The following PPP6R3 variants were observed in gnomAD, a reference collection of about 807,000 sequenced individuals.
The protein encoded by PPP6R3 is protein phosphatase 6 regulatory subunit 3.
Under a neutral mutation model 110.7 loss-of-function variants are expected in PPP6R3, and 38 were observed. The observed-to-expected ratio is 0.34, with a 90% CI of 0.26 to 0.45. The LOEUF is 0.45. Ranked by LOEUF, PPP6R3 falls within the 20% of genes least tolerant of loss-of-function variation. The pLI is 1.00. For synonymous variants in PPP6R3, 369 were observed against 373.5 expected, an observed-to-expected ratio of 0.99 and a Z score of 0.14; for missense variants, 870 against 1,062.4, an observed-to-expected ratio of 0.82 and a Z score of 2.52.
At chr11:68,521,510 G>A (rs528318310) in intron 2 of PPP6R3, among the ~76,000 whole-genome samples, 5 of 151,974 alleles carry the variant, frequency 3.3e-5, no homozygotes, top group South Asian at 2.1e-4. Flanking sequence ...ATCTCTGCTC[G>A]TCAGCATGCT....
At chr11:68,515,782 G>T (rs1226800979) in intron 1 of PPP6R3, among the ~76,000 whole-genome samples, 1 of 152,198 alleles carries the variant, frequency 6.6e-6, no homozygotes, top group South Asian at 2.1e-4. Context: ...ATATAACCAT[G>T]CTGGGAGTTA....
chr11:68,473,658 TCTCCA>T (rs2098808198), intron 1 of PPP6R3, among the ~76,000 whole-genome samples: 1 of 152,146 alleles, frequency 6.6e-6, no homozygotes, highest in African/African-American at 2.4e-5. Context: ...TCTGACTCTA[TCTCCA>T]GGTAGATGGT....
intron 1 of PPP6R3, among the ~76,000 whole-genome samples, chr11:68,467,464 A>G (rs1215644063): frequency 6.6e-6 from 1 of 152,244 alleles, no homozygotes; most frequent in Non-Finnish European, 1.5e-5. Context: ...ACAGACTTGG[A>G]GAAAGCTGTG....
intron 2 of PPP6R3, among the ~76,000 whole-genome samples, chr11:68,536,859 G>T (rs74827392): frequency 4.6e-5 from 7 of 152,294 alleles, no homozygotes; most frequent in African/African-American, 1.7e-4. Context: ...GTCTTTTCCT[G>T]TGATGCTATC....
chr11:68,507,153 C>T (rs950199994), intron 1 of PPP6R3, among the ~76,000 whole-genome samples: 1 of 151,924 alleles, frequency 6.6e-6, no homozygotes, highest in South Asian at 2.1e-4. Flanking sequence ...AAAGTCTTTA[C>T]TTCAAGTACT....
chr11:68,551,045 C>G (rs2099370445), intron 5 of PPP6R3, 76 bp from the exon 6 acceptor site: 12 of 1,004,254 alleles, frequency 1.2e-5, no homozygotes, highest in Admixed American at 4.3e-5. Context: ...TGGATATTTC[C>G]AAGTATGTTA....
intron 1 of PPP6R3, among the ~76,000 whole-genome samples, chr11:68,479,803 A>G (rs1459643715): frequency 1.3e-5 from 2 of 151,810 alleles, no homozygotes; most frequent in East Asian, 1.9e-4. Context: ...CAGTGGTGCT[A>G]TCCTGGCTCA....
intron 12 of PPP6R3, among the ~76,000 whole-genome samples, chr11:68,572,708 G>A (rs1344912860): frequency 6.6e-6 from 1 of 151,994 alleles, no homozygotes; most frequent in African/African-American, 2.4e-5. Context: ...CGGATGTGGT[G>A]GTACTTGCCT....
intron 3 of PPP6R3, among the ~76,000 whole-genome samples, chr11:68,544,407 G>C (rs1266761355): frequency 6.6e-6 from 1 of 152,212 alleles, no homozygotes; most frequent in African/African-American, 2.4e-5. Context: ...GTCATTACAA[G>C]GTGCTGCATG....
intron 1 of PPP6R3, among the ~76,000 whole-genome samples, chr11:68,491,662 T>C (rs540495729): frequency 7.9e-5 from 12 of 152,196 alleles, no homozygotes; most frequent in African/African-American, 2.4e-4. Flanking sequence ...TTTTAACTGT[T>C]TGGAGTGTAC....
chr11:68,506,736 C>G (rs572338089), intron 1 of PPP6R3, among the ~76,000 whole-genome samples: 1 of 152,346 alleles, frequency 6.6e-6, no homozygotes, highest in African/African-American at 2.4e-5. Context: ...CCCCATTCCT[C>G]TCACCTTTCA....
At chr11:68,526,574 C>T (rs1356402065) in intron 2 of PPP6R3, among the ~76,000 whole-genome samples, 1 of 152,130 alleles carries the variant, frequency 6.6e-6, no homozygotes, top group Non-Finnish European at 1.5e-5. Flanking sequence ...ACCATCTTAC[C>T]TCTATTCACA....
chr11:68,542,390 T>TTTTTTTTTG (rs2153664450), intron 3 of PPP6R3, among the ~76,000 whole-genome samples: 2 of 54,658 alleles, frequency 3.7e-5, no homozygotes, highest in South Asian at 1.4e-3. Flanking sequence ...GAAGCTGCTG[T>TTTTTTTTTG]TTTTTTTTTT....
At chr11:68,545,080 T>TC in intron 4 of PPP6R3, 56 bp downstream of exon 4, 1 of 1,379,780 alleles carries the variant, frequency 7.2e-7, no homozygotes. Context: ...CTTGAGGTGA[T>TC]CCCCCAGTAC....
Position 68,614,822 on chromosome 11 carries a change from CT to C in PPP6R3, c.*1707del. On this transcript the variant is annotated 3_prime_UTR_variant, in exon 24 of 24. Coordinates refer to ENST00000393800, the MANE Select transcript of PPP6R3 (RefSeq NM_001164161.2). ...CCCCCAGAGGACAGGGCTCCTCCTG[CT>C]TGCCTCAGGGCTGCCTGACTTGAAT... 1 of 1,409,924 alleles carries C rather than the reference CT, an allele frequency of 7.1e-7. No homozygotes were observed. Among genetic ancestry groups the C allele is most frequent in the South Asian group, 1.2e-5 (1 of 80,954 alleles). The allele number at this position is 1,409,924 out of a possible 1,614,324, so 87.3% of individuals were successfully genotyped here.
At chr11:68,579,072 C>T (rs951520125) in intron 14 of PPP6R3, among the ~76,000 whole-genome samples, 2 of 152,208 alleles carry the variant, frequency 1.3e-5, no homozygotes, top group African/African-American at 4.8e-5. Context: ...ATTGACAAGA[C>T]AGTGTGTAGA....
chr11:68,581,589 C>T (rs575340237), intron 14 of PPP6R3, among the ~76,000 whole-genome samples: 2 of 152,372 alleles, frequency 1.3e-5, no homozygotes, highest in South Asian at 4.1e-4. Flanking sequence ...CCCGAAGCTC[C>T]TCTTGAGTGC....
At chr11:68,516,840 C>T (rs1447586035) in intron 1 of PPP6R3, among the ~76,000 whole-genome samples, 2 of 152,160 alleles carry the variant, frequency 1.3e-5, no homozygotes, top group African/African-American at 2.4e-5. Context: ...TCCAGTTTCT[C>T]CACATCCTTA....
chr11:68,604,083 C>T (rs771209366), intron 22 of PPP6R3, among the ~76,000 whole-genome samples: 2 of 152,172 alleles, frequency 1.3e-5, no homozygotes, highest in African/African-American at 4.8e-5. Flanking sequence ...TCTTAGAGAC[C>T]ATTCCAGCCA....
Sources: allele counts gnomAD v4.1 joint callset (sites outside exome capture counted in the v4.1 genomes callset), GRCh38; gene constraint gnomAD v4.1.1; transcripts MANE v1.5; gene names NCBI Gene and HGNC (gene_info 2026-07-23, HGNC 2026-07-21).